Variants in LRRTM4 observed in about 807,000 individuals in gnomAD.
LRRTM4 encodes the protein leucine rich repeat transmembrane neuronal 4.
In LRRTM4, 25 loss-of-function variants were observed where a neutral mutation model predicts 47.6. That is an observed-to-expected ratio of 0.53 (90% CI 0.38 to 0.73). The LOEUF (loss-of-function observed/expected upper bound fraction) is 0.73. LRRTM4 is among the 30% of genes least tolerant of loss of function. The pLI is 0.00. For synonymous variants in LRRTM4, 311 were observed against 269.5 expected (o/e 1.15, Z -1.51); for missense variants, 638 against 713.4 (o/e 0.89, Z 1.20).
intron 3 of LRRTM4, among the ~76,000 whole-genome samples, chr2:77,091,857 A>C (rs1378295874): frequency 1.4e-5 from 2 of 142,758 alleles, no homozygotes; most frequent in African/African-American, 5.7e-5. Flanking sequence ...ATCGTGTCCA[A>C]CTGATCTCTC....
intron 3 of LRRTM4, among the ~76,000 whole-genome samples, chr2:77,231,872 T>A (rs1469662554): frequency 2.0e-5 from 3 of 152,232 alleles, no homozygotes; most frequent in Non-Finnish European, 1.5e-5. Context: ...CTAATTTAGA[T>A]CCACCCAGGA....
At chr2:77,318,646 A>T (rs1011093787) in intron 3 of LRRTM4, among the ~76,000 whole-genome samples, 6 of 152,176 alleles carry the variant, frequency 3.9e-5, no homozygotes, top group African/African-American at 1.4e-4. Flanking sequence ...GGAAGAGGCA[A>T]TATCAGTTCA....
At chr2:77,482,751 G>A (rs913785473) in intron 3 of LRRTM4, among the ~76,000 whole-genome samples, 1 of 151,944 alleles carries the variant, frequency 6.6e-6, no homozygotes, top group African/African-American at 2.4e-5. Context: ...CATTTATTAG[G>A]TAAGCTAACT....
intron 3 of LRRTM4, among the ~76,000 whole-genome samples, chr2:76,996,402 A>C (rs1437181821): frequency 6.6e-6 from 1 of 152,118 alleles, no homozygotes; most frequent in Non-Finnish European, 1.5e-5. Context: ...AGTCCTATAA[A>C]GTGTTCTTTT....
intron 3 of LRRTM4, among the ~76,000 whole-genome samples, chr2:77,214,585 A>T (rs1674385063): frequency 6.6e-6 from 1 of 152,154 alleles, no homozygotes; most frequent in Non-Finnish European, 1.5e-5. Context: ...GAAAAGATTT[A>T]ATTTATTGAG....
chr2:76,775,430 G>C (rs1257565578), intron 3 of LRRTM4, among the ~76,000 whole-genome samples: 1 of 152,106 alleles, frequency 6.6e-6, no homozygotes, highest in East Asian at 1.9e-4. Context: ...GAACTCATGA[G>C]GCTCTGGGCA....
At chr2:76,811,992 A>C (rs1670747666) in intron 3 of LRRTM4, among the ~76,000 whole-genome samples, 1 of 152,156 alleles carries the variant, frequency 6.6e-6, no homozygotes, top group Admixed American at 6.6e-5. Context: ...CATTATACTA[A>C]ATATGTTTCC....
intron 3 of LRRTM4, among the ~76,000 whole-genome samples, chr2:77,275,009 C>A (rs1478479652): frequency 6.6e-6 from 1 of 151,922 alleles, no homozygotes; most frequent in East Asian, 1.9e-4. Context: ...CACTAGAATC[C>A]TGATGGCAAT....
chr2:77,181,940 T>C (rs1211520629), intron 3 of LRRTM4, among the ~76,000 whole-genome samples: 2 of 152,122 alleles, frequency 1.3e-5, no homozygotes, highest in Non-Finnish European at 2.9e-5. Flanking sequence ...GGTGAGTCTG[T>C]GGAGAAATAG....
intron 3 of LRRTM4, among the ~76,000 whole-genome samples, chr2:77,506,405 A>G (rs1440021005): frequency 6.6e-6 from 1 of 151,806 alleles, no homozygotes; most frequent in Non-Finnish European, 1.5e-5. Context: ...GTAAGAAAAC[A>G]TAATGAATAA....
chr2:77,490,481 C>T (rs1277516396), intron 3 of LRRTM4, among the ~76,000 whole-genome samples: 3 of 152,016 alleles, frequency 2.0e-5, no homozygotes, highest in African/African-American at 4.8e-5. Flanking sequence ...GACTTAAGTT[C>T]CTCCTACAGT....
chr2:76,952,422 CA>C (rs1161930696), intron 3 of LRRTM4, among the ~76,000 whole-genome samples: 5 of 151,756 alleles, frequency 3.3e-5, no homozygotes, highest in Non-Finnish European at 5.9e-5. Context: ...TACGTGTAGC[CA>C]ACAAATATGA....
At chr2:76,819,602 A>G (rs1422752980) in intron 3 of LRRTM4, among the ~76,000 whole-genome samples, 2 of 152,024 alleles carry the variant, frequency 1.3e-5, no homozygotes, top group East Asian at 1.9e-4. Flanking sequence ...ATAATTTTGA[A>G]TAAAATTGGA....
Position 77,223,285 on chromosome 2 carries a change from T to C in LRRTM4, c.1551+295033A>G, listed in dbSNP as rs568816288. Among the ~76,000 whole-genome samples the C allele has an allele frequency of 2.0e-5, 3 of 152,296 alleles. 1 individual carries two copies. The South Asian group carries it at 6.2e-4, about 32-fold the overall frequency. On this transcript the variant is annotated intron_variant, in intron 3 of 3. Transcript: ENST00000409884. Reference sequence around the variant, plus strand: ...TGCACAAAAACTGGAAGCATTCCCTTTGAAAACTGGCACAAGACAGGGATG... The same window carrying C: ...TGCACAAAAACTGGAAGCATTCCCTCTGAAAACTGGCACAAGACAGGGATG...
intron 3 of LRRTM4, among the ~76,000 whole-genome samples, chr2:76,998,038 G>A (rs190910521): frequency 1.5e-4 from 23 of 151,866 alleles, no homozygotes; most frequent in African/African-American, 5.3e-4. Context: ...TATACATTAT[G>A]GTGAGTTGTA....
chr2:76,785,890 C>T (rs1189464532), intron 3 of LRRTM4, among the ~76,000 whole-genome samples: 1 of 151,948 alleles, frequency 6.6e-6, no homozygotes, highest in Non-Finnish European at 1.5e-5. Context: ...AAGAAAATGC[C>T]TTGTGTGTAG....
At chr2:77,183,478 T>C (rs1347083936) in intron 3 of LRRTM4, among the ~76,000 whole-genome samples, 3 of 152,178 alleles carry the variant, frequency 2.0e-5, no homozygotes, top group Non-Finnish European at 4.4e-5. Context: ...TTTACACTGT[T>C]GGTGGGACTG....
At chr2:77,412,713 C>T (rs768055043) in intron 3 of LRRTM4, among the ~76,000 whole-genome samples, 74 of 152,224 alleles carry the variant, frequency 4.9e-4, no homozygotes, top group Non-Finnish European at 7.6e-4. Context: ...TAATAAAACA[C>T]AATTTTCAAT....
intron 3 of LRRTM4, among the ~76,000 whole-genome samples, chr2:77,084,432 C>T (rs930628401): frequency 1.3e-5 from 2 of 152,102 alleles, no homozygotes; most frequent in Non-Finnish European, 2.9e-5. Flanking sequence ...AAACAAGTAC[C>T]CCTCTTGTTT....
Sources: allele counts gnomAD v4.1 joint callset (sites outside exome capture counted in the v4.1 genomes callset), GRCh38; gene constraint gnomAD v4.1.1; transcripts MANE v1.5; gene names NCBI Gene and HGNC (gene_info 2026-07-23, HGNC 2026-07-21).